Variants in CSMD1 observed in about 807,000 individuals in gnomAD.
CSMD1 encodes the protein CUB and sushi domain-containing protein 1.
CSMD1 carries 213 observed loss-of-function variants against 417.5 expected under a neutral mutation model. The ratio of observed to expected loss-of-function variants is 0.51; its 90% CI spans 0.46 to 0.57. The LOEUF (loss-of-function observed/expected upper bound fraction) is 0.57, where lower values mean the gene tolerates loss of function less well. CSMD1 is among the 20% of genes least tolerant of loss of function. The pLI is 0.00. For synonymous variants in CSMD1, 2,862 were observed against 1,736.8 expected, an observed-to-expected ratio of 1.65 and a Z score of -16.11; for missense variants, 6,923 against 4,529.7, an observed-to-expected ratio of 1.53 and a Z score of -15.17.
chr8:3,337,645 A>C (rs1807356951), intron 23 of CSMD1, among the ~76,000 whole-genome samples: 1 of 152,172 alleles, frequency 6.6e-6, no homozygotes, highest in Non-Finnish European at 1.5e-5. Flanking sequence ...CCATGGCCTT[A>C]AGCTCAACCA....
At position 4,198,070 on chromosome 8, in the gene CSMD1, G is replaced by A. The variant is rs554953280; in HGVS notation, c.416-165971C>T. 1.3e-4 allele frequency among the ~76,000 whole-genome samples: 20 copies of A among 152,304 alleles called. No individual in the cohort carries two copies. The East Asian group carries it at 3.1e-3, about 24-fold the overall frequency. Reference sequence around the variant, plus strand: ...ATTTATGCTCAGCGATTATCAAAGCGCAAAGCGAGGGAAGTCTGGGAGTCT... The same window carrying A: ...ATTTATGCTCAGCGATTATCAAAGCACAAAGCGAGGGAAGTCTGGGAGTCT... On this transcript the variant is annotated intron_variant, in intron 3 of 69. Coordinates refer to ENST00000635120, the MANE Select transcript of CSMD1 (RefSeq NM_033225.6).
At chr8:4,304,403 A>G (rs1244400480) in intron 3 of CSMD1, among the ~76,000 whole-genome samples, 1 of 152,176 alleles carries the variant, frequency 6.6e-6, no homozygotes, top group African/African-American at 2.4e-5. Context: ...AATTATTACC[A>G]TCTAAGAGCG....
At chr8:3,909,661 G>A (rs182451693) in intron 5 of CSMD1, among the ~76,000 whole-genome samples, 5 of 152,118 alleles carry the variant, frequency 3.3e-5, no homozygotes, top group Admixed American at 3.3e-4. Flanking sequence ...AGTCACCTGG[G>A]AACCCTCCTT....
In CSMD1 at chr8:3,605,011, C is replaced by A. The variant is rs577673937; in HGVS notation, c.1097+11699G>T. Among the ~76,000 whole-genome samples, 16 of 152,180 alleles carry A rather than the reference C, an allele frequency of 1.1e-4. No homozygotes were observed. The East Asian group carries it at 2.5e-3, about 24-fold the overall frequency. On this transcript the variant is annotated intron_variant, in intron 8 of 69. Transcript: ENST00000635120. ...TAACACAACTTAAAAGAAAGCAGTT[C>A]TTTTGTTTTTTTCTTTTGAGGAGTC...
intron 1 of CSMD1, among the ~76,000 whole-genome samples, chr8:4,732,882 G>A (rs538570557): frequency 3.3e-5 from 5 of 152,158 alleles, no homozygotes; most frequent in African/African-American, 4.8e-5. Context: ...GCATTTATAT[G>A]GGCCCTAAAA....
intron 3 of CSMD1, among the ~76,000 whole-genome samples, chr8:4,129,659 C>A (rs867126791): frequency 2.6e-5 from 4 of 151,900 alleles, no homozygotes; most frequent in Admixed American, 2.0e-4. Flanking sequence ...CTCTTTTGTC[C>A]CAATGTTCTG....
intron 3 of CSMD1, among the ~76,000 whole-genome samples, chr8:4,332,760 G>T (rs1187623079): frequency 6.6e-6 from 1 of 151,888 alleles, no homozygotes; most frequent in Non-Finnish European, 1.5e-5. Flanking sequence ...ATATGTAATG[G>T]CATGTGATGA....
chr8:3,425,907 G>C (rs1029898028), intron 12 of CSMD1, among the ~76,000 whole-genome samples: 1 of 152,052 alleles, frequency 6.6e-6, no homozygotes. Flanking sequence ...ATCTCTAAAA[G>C]GTGAGTAATG....
At chr8:3,267,297 G>T (rs773821119) in intron 26 of CSMD1, among the ~76,000 whole-genome samples, 2 of 152,166 alleles carry the variant, frequency 1.3e-5, no homozygotes, top group Admixed American at 1.3e-4. Flanking sequence ...GTCTCACAAG[G>T]CGTGATATCC....
intron 3 of CSMD1, among the ~76,000 whole-genome samples, chr8:4,042,224 C>A (rs1277310591): frequency 1.3e-5 from 2 of 152,140 alleles, no homozygotes; most frequent in Non-Finnish European, 2.9e-5. Context: ...CACCATATCA[C>A]ACATGTCAAA....
chr8:4,348,350 T>C (rs949408145), intron 3 of CSMD1, among the ~76,000 whole-genome samples: 3 of 152,060 alleles, frequency 2.0e-5, no homozygotes, highest in African/African-American at 7.2e-5. Context: ...AGTCATGGAA[T>C]CCACCCAAGT....
chr8:3,567,228 T>C (rs1160253990), intron 10 of CSMD1, among the ~76,000 whole-genome samples: 7 of 151,868 alleles, frequency 4.6e-5, no homozygotes, highest in Non-Finnish European at 1.0e-4. Context: ...TGAAAGTACA[T>C]GGACACAAAG....
intron 3 of CSMD1, among the ~76,000 whole-genome samples, chr8:4,199,332 T>C (rs543749211): frequency 6.6e-6 from 1 of 152,322 alleles, no homozygotes; most frequent in East Asian, 1.9e-4. Context: ...GAGGTCTGTA[T>C]CTGAAGTCTA....
intron 54 of CSMD1, among the ~76,000 whole-genome samples, chr8:2,983,732 A>C (rs142183902): frequency 6.6e-6 from 1 of 152,218 alleles, no homozygotes; most frequent in Non-Finnish European, 1.5e-5. Context: ...AGTATAAGCA[A>C]CTATGATCGA....
At chr8:4,585,126 G>C (rs868612745) in intron 2 of CSMD1, among the ~76,000 whole-genome samples, 5 of 150,306 alleles carry the variant, frequency 3.3e-5, no homozygotes, top group African/African-American at 7.3e-5. Flanking sequence ...AATAGAAAGA[G>C]ACTAACAGGA....
At chr8:4,394,658 C>G (rs1464037196) in intron 3 of CSMD1, among the ~76,000 whole-genome samples, 1 of 143,998 alleles carries the variant, frequency 6.9e-6, no homozygotes, top group Non-Finnish European at 1.6e-5. Flanking sequence ...TAGAATTTCT[C>G]CTTTCTTTCC....
chr8:4,080,787 C>T (rs912815099), intron 3 of CSMD1, among the ~76,000 whole-genome samples: 1 of 152,096 alleles, frequency 6.6e-6, no homozygotes, highest in Non-Finnish European at 1.5e-5. Flanking sequence ...TTACCACACC[C>T]CTCTCTAAGT....
intron 10 of CSMD1, among the ~76,000 whole-genome samples, chr8:3,522,552 T>C (rs920987563): frequency 2.0e-5 from 3 of 152,268 alleles, no homozygotes; most frequent in Middle Eastern, 3.4e-3. Flanking sequence ...AAGTACTTTA[T>C]GACTGAGAAT....
At chr8:4,701,943 A>T (rs1392305075) in intron 1 of CSMD1, among the ~76,000 whole-genome samples, 14 of 152,312 alleles carry the variant, frequency 9.2e-5, no homozygotes, top group Admixed American at 9.2e-4. Flanking sequence ...AAGGAATGAG[A>T]TCATGTCCTT....
Sources: gnomAD v4.1 joint callset for allele counts (sites outside exome capture counted in the v4.1 genomes callset) on GRCh38, gnomAD v4.1.1 for gene constraint, MANE v1.5 for transcripts, NCBI Gene and HGNC (gene_info 2026-07-23, HGNC 2026-07-21) for gene names.